Variants in SLC4A4 observed in about 807,000 individuals in gnomAD.
SLC4A4 encodes electrogenic sodium bicarbonate cotransporter 1.
In SLC4A4, 27 loss-of-function variants were observed where a neutral mutation model predicts 111.5. The observed-to-expected ratio is 0.24, with a 90% CI of 0.18 to 0.33. The LOEUF (loss-of-function observed/expected upper bound fraction) is 0.33. SLC4A4 is among the 10% of genes least tolerant of loss of function. The probability of loss-of-function intolerance (pLI) is 1.00; values close to 1 mark genes in which losing one functional copy is unlikely to be tolerated. For missense variants in SLC4A4, 909 were observed against 1,315.5 expected (o/e 0.69, Z 4.78); for synonymous variants, 443 against 463.4 (o/e 0.96, Z 0.57).
intron 2 of SLC4A4, among the ~76,000 whole-genome samples, chr4:71,144,032 C>A (rs985258563): frequency 6.6e-5 from 10 of 152,172 alleles, no homozygotes; most frequent in Non-Finnish European, 1.0e-4. Flanking sequence ...ATGCCTATGT[C>A]CTGAATGGTA....
At chr4:71,343,295 C>T (rs187114918) in intron 4 of SLC4A4, among the ~76,000 whole-genome samples, 1 of 152,228 alleles carries the variant, frequency 6.6e-6, no homozygotes, top group Non-Finnish European at 1.5e-5. Flanking sequence ...ATGAAAGACC[C>T]AAGGTACCCA....
chr4:71,312,871 G>A (rs917420954), intron 3 of SLC4A4, among the ~76,000 whole-genome samples: 2 of 152,166 alleles, frequency 1.3e-5, no homozygotes, highest in African/African-American at 4.8e-5. Context: ...ACAAGACAAG[G>A]ATGCCCTCTC....
At chr4:71,159,051 A>T (rs543530841) in intron 2 of SLC4A4, among the ~76,000 whole-genome samples, 1 of 152,344 alleles carries the variant, frequency 6.6e-6, no homozygotes, top group African/African-American at 2.4e-5. Context: ...AAAAGGAGAA[A>T]TTGTAATTAT....
intron 3 of SLC4A4, among the ~76,000 whole-genome samples, chr4:71,276,085 A>C (rs1298044287): frequency 6.6e-6 from 1 of 152,228 alleles, no homozygotes; most frequent in East Asian, 1.9e-4. Context: ...ACAGTATGGC[A>C]GTCATTCTGG....
At chr4:71,230,939 C>T (rs1048709554) in intron 1 of SLC4A4, among the ~76,000 whole-genome samples, 13 of 152,324 alleles carry the variant, frequency 8.5e-5, no homozygotes, top group African/African-American at 3.1e-4. Context: ...AAACAGGTGG[C>T]TTCACGGTAA....
intron 2 of SLC4A4, among the ~76,000 whole-genome samples, chr4:71,133,082 A>G (rs1045519367): frequency 6.6e-6 from 1 of 152,152 alleles, no homozygotes; most frequent in African/African-American, 2.4e-5. Flanking sequence ...AGATTTGTAG[A>G]AATTTGTGCA....
At chr4:71,102,239 T>C (rs1276537265) in intron 2 of SLC4A4, among the ~76,000 whole-genome samples, 4 of 148,802 alleles carry the variant, frequency 2.7e-5, no homozygotes, top group South Asian at 2.2e-4. Context: ...TAAAAAGAAA[T>C]GAGCAAAGCC....
intron 4 of SLC4A4, among the ~76,000 whole-genome samples, chr4:71,344,236 A>G (rs964742814): frequency 6.6e-6 from 1 of 152,214 alleles, no homozygotes; most frequent in Non-Finnish European, 1.5e-5. Context: ...ATCAATGAAT[A>G]GAGAAATAGA....
intron 7 of SLC4A4, among the ~76,000 whole-genome samples, chr4:71,407,250 A>T (rs1720942682): frequency 6.6e-6 from 1 of 152,162 alleles, no homozygotes; most frequent in Non-Finnish European, 1.5e-5. Context: ...ATAATAAAAA[A>T]TTTTTAAGGG....
chr4:71,216,567 C>T (rs907993568), intron 1 of SLC4A4, among the ~76,000 whole-genome samples: 4 of 152,246 alleles, frequency 2.6e-5, no homozygotes, highest in Admixed American at 2.6e-4. Context: ...TTCCTTGATT[C>T]CCTGCAAGGT....
rs543139009 is a variant in SLC4A4 at position 71,088,652 on chromosome 4, C to A, written c.-64-4078C>A. 2.6e-5 allele frequency among the ~76,000 whole-genome samples: 4 copies of A among 152,018 alleles called. No homozygotes were observed. In the South Asian group the frequency reaches 8.3e-4, roughly 32 times the overall value. ...TTGTCTGTAAAGGATTTTATTTCTC[C>A]TTCACTTATGAAGCTTAGTTTGGCT... On this transcript the variant is annotated intron_variant, in intron 1 of 26. Transcript: ENST00000649996.
intron 1 of SLC4A4, among the ~76,000 whole-genome samples, chr4:71,193,449 G>A (rs145605938): frequency 3.9e-5 from 6 of 152,312 alleles, no homozygotes; most frequent in East Asian, 1.9e-4. Flanking sequence ...GTGAGCCACC[G>A]CGCCCGGCCC....
At chr4:71,243,514 A>G (rs1336148955) in intron 2 of SLC4A4, among the ~76,000 whole-genome samples, 1 of 151,878 alleles carries the variant, frequency 6.6e-6, no homozygotes, top group African/African-American at 2.4e-5. Flanking sequence ...TGCTGGTGAG[A>G]TTTTATTTTA....
At chr4:71,072,276 T>G (rs1444142158) in intron 1 of SLC4A4, among the ~76,000 whole-genome samples, 1 of 152,170 alleles carries the variant, frequency 6.6e-6, no homozygotes, top group Non-Finnish European at 1.5e-5. Flanking sequence ...GATATGACAT[T>G]AAAATTTTGT....
intron 7 of SLC4A4, among the ~76,000 whole-genome samples, chr4:71,416,508 A>T (rs1336677395): frequency 6.6e-6 from 1 of 152,148 alleles, no homozygotes; most frequent in East Asian, 1.9e-4. Flanking sequence ...GACCATAAGT[A>T]ACTGAAACTG....
intron 3 of SLC4A4, among the ~76,000 whole-genome samples, chr4:71,281,130 C>T (rs986166627): frequency 1.3e-5 from 2 of 152,172 alleles, no homozygotes; most frequent in African/African-American, 2.4e-5. Flanking sequence ...AATTTTGTTT[C>T]CTGACTTGCG....
Position 71,087,654 on chromosome 4 carries a change from T to C in SLC4A4, c.-64-5076T>C, listed in dbSNP as rs1305101289. ...AACATCTTTATTTCTGCCTTCATTT[T>C]GTTATGTACCCAGTAGTCATTCAGG... On this transcript the variant is annotated intron_variant, in intron 1 of 26. Transcript: ENST00000649996. Among the ~76,000 whole-genome samples the C allele has an allele frequency of 7.2e-5, 11 of 152,122 alleles. No individual in the cohort carries two copies. The South Asian group carries it at 8.3e-4, about 11-fold the overall frequency.
Position 71,571,512 on chromosome 4 carries a change from T to C in SLC4A4, c.*3761T>C, listed in dbSNP as rs1238393374. 3 of 152,178 alleles carry C rather than the reference T, an allele frequency of 2.0e-5. No homozygotes were observed. The highest frequency in any genetic ancestry group is 4.4e-5 in the Non-Finnish European group (3 of 67,850). The allele number at this position is 152,178 out of a possible 1,614,324, so 9.4% of individuals were successfully genotyped here. On this transcript the variant is annotated 3_prime_UTR_variant, in exon 26 of 26. Coordinates refer to ENST00000264485, the MANE Select transcript of SLC4A4 (RefSeq NM_001098484.3). ...TTGTGTAATACGCCAACCAGTCAAG[T>C]TGTGTTTTGGCCAGAGATTTAGATA...
intron 2 of SLC4A4, among the ~76,000 whole-genome samples, chr4:71,111,793 C>T (rs1297849578): frequency 6.6e-6 from 1 of 150,534 alleles, no homozygotes; most frequent in East Asian, 2.0e-4. Context: ...GCCTCCCAGG[C>T]TCAAGTGATT....
Sources: allele counts gnomAD v4.1 joint callset (sites outside exome capture counted in the v4.1 genomes callset), GRCh38; gene constraint gnomAD v4.1.1; transcripts MANE v1.5; gene names NCBI Gene and HGNC (gene_info 2026-07-23, HGNC 2026-07-21).